Variants in NR4A1 observed in about 807,000 individuals in gnomAD.
NR4A1 encodes the protein nuclear receptor subfamily 4 group A member 1.
Under a neutral mutation model 47.5 loss-of-function variants are expected in NR4A1, and 24 were observed. The observed-to-expected ratio is 0.50, with a 90% CI of 0.37 to 0.71. The LOEUF (loss-of-function observed/expected upper bound fraction) is 0.71. Ranked by LOEUF, NR4A1 falls within the 30% of genes least tolerant of loss-of-function variation. The probability of loss-of-function intolerance (pLI) is 0.00; values close to 1 mark genes in which losing one functional copy is unlikely to be tolerated. For missense variants in NR4A1, 669 were observed against 788.6 expected, an observed-to-expected ratio of 0.85 and a Z score of 1.82; for synonymous variants, 353 against 345.7, an observed-to-expected ratio of 1.02 and a Z score of -0.24.
chr12:52,040,319 G>A lies in NR4A1; in HGVS notation c.-83-1491G>A, dbSNP rs1393282320. On this transcript the variant is annotated intron_variant, in intron 1 of 7. Coordinates refer to the NR4A1 transcript ENST00000360284. The stretch of plus-strand genomic sequence containing the variant: ...CACCTGGTGCCAAACTCTGGCCCCC[G>A]TTCTGAGAACCAGATGGGGAAGACC... Among the ~76,000 whole-genome samples, 2 of 152,222 alleles carry A rather than the reference G, an allele frequency of 1.3e-5. 1 individual carries two copies. Among genetic ancestry groups the A allele is most frequent in the East Asian group, 3.8e-4 (2 of 5,198 alleles).
At chr12:52,026,006 G>A (rs1429054685) in intron 1 of NR4A1, among the ~76,000 whole-genome samples, 2 of 152,246 alleles carry the variant, frequency 1.3e-5, no homozygotes, top group Non-Finnish European at 2.9e-5. Context: ...GGCACGCCCT[G>A]GGTGCATCAT....
At position 52,056,280 on chromosome 12, in the gene NR4A1, C is replaced by T. The variant is rs990387115; in HGVS notation, c.1006+121C>T. ...GAGGGCACGTCTTATTTCCACCCCA[C>T]CTCTGAACCCCAGGCCTTGGAGGGA... On this transcript the variant is annotated intron_variant, in intron 3 of 6. Transcript: ENST00000394825. 2.8e-6 allele frequency: 4 copies of T among 1,437,794 alleles called. No individual in the cohort carries two copies. In the African/African-American group the frequency reaches 5.7e-5, roughly 21 times the overall value. The allele number at this position is 1,437,794 out of a possible 1,614,324, so 89.1% of individuals were successfully genotyped here.
intron 1 of NR4A1, chr12:52,037,723 C>A (rs1203348038): frequency 1.0e-6 from 1 of 985,456 alleles, no homozygotes; most frequent in Non-Finnish European, 1.2e-6. Context: ...CATTTCTCCG[C>A]CGGCTGCGGG....
Position 52,026,416 on chromosome 12 carries a change from G to A in NR4A1, c.-84+3477G>A, listed in dbSNP as rs139505984. ...ATTAGGAGCCAAGGCAGAGGAAAGT[G>A]ATCTCCAAACATTGTCTAATTATAG... is the stretch of plus-strand genomic sequence containing the variant. On this transcript the variant is annotated intron_variant, in intron 1 of 7. Transcript: ENST00000360284. Among the ~76,000 whole-genome samples, 440 of 152,324 alleles carry A rather than the reference G, an allele frequency of 2.9e-3. 2 individuals carry two copies. Among genetic ancestry groups the A allele is most frequent in the African/African-American group, 9.8e-3 (409 of 41,574 alleles).
intron 1 of NR4A1, among the ~76,000 whole-genome samples, chr12:52,023,747 C>T (rs1437674150): frequency 1.3e-5 from 2 of 152,128 alleles, no homozygotes; most frequent in Non-Finnish European, 2.9e-5. Context: ...GTCCTCTCAT[C>T]CCCATGGCCT....
chr12:52,040,586 C>T (rs1402400350), intron 1 of NR4A1, among the ~76,000 whole-genome samples: 5 of 152,180 alleles, frequency 3.3e-5, no homozygotes, highest in African/African-American at 1.2e-4. Flanking sequence ...TTCCAGTCTG[C>T]CCTCCCTTCC....
chr12:52,056,401 G>C, intron 3 of NR4A1, 93 bp from the exon 4 acceptor site: 1 of 1,523,982 alleles, frequency 6.6e-7, no homozygotes, highest in Middle Eastern at 2.4e-4. Flanking sequence ...TAGGGACTCG[G>C]TGGGGCGCGT....
chr12:52,047,389 C>A (rs139086561), upstream of NR4A1, among the ~76,000 whole-genome samples: 153 of 152,368 alleles, frequency 1.0e-3, no homozygotes, highest in African/African-American at 3.5e-3. Flanking sequence ...GGCCTGGGAT[C>A]CCCAAGCCCC....
At chr12:52,044,412 C>G (rs1360603970) in intron 2 of NR4A1, among the ~76,000 whole-genome samples, 1 of 152,202 alleles carries the variant, frequency 6.6e-6, no homozygotes, top group Non-Finnish European at 1.5e-5. Context: ...AGAAGCAGAG[C>G]TGGAGAGAGG....
chr12:52,058,995 T>C lies in NR4A1; in HGVS notation c.*51T>C, dbSNP rs1474099506. On this transcript the variant is annotated 3_prime_UTR_variant, in exon 7 of 7. Transcript: ENST00000394825. ...ATGCGCACTCTCATATGCCACCCCATGTGCCTTTAGTCCACGGACCCCCAG... is the reference window on the plus strand; with the variant it reads ...ATGCGCACTCTCATATGCCACCCCACGTGCCTTTAGTCCACGGACCCCCAG... The C allele has an allele frequency of 3.8e-6, 6 of 1,563,962 alleles. No homozygotes were observed. The highest frequency in any genetic ancestry group is 1.7e-5 in the Admixed American group (1 of 57,486).
At chr12:52,043,969 C>T (rs1359357554) in intron 2 of NR4A1, 13 of 1,272,720 alleles carry the variant, frequency 1.0e-5, no homozygotes, top group South Asian at 1.2e-5. Flanking sequence ...GATTTTTTCC[C>T]ATTGTGACTG....
chr12:52,033,532 T>C (rs1020102580), intron 1 of NR4A1, among the ~76,000 whole-genome samples: 3 of 152,248 alleles, frequency 2.0e-5, no homozygotes, highest in Non-Finnish European at 4.4e-5. Context: ...ATTTCCGGTC[T>C]GGAGACCTTG....
intron 2 of NR4A1, among the ~76,000 whole-genome samples, chr12:52,046,048 C>A (rs1938621142): frequency 6.6e-6 from 1 of 152,210 alleles, no homozygotes; most frequent in South Asian, 2.1e-4. Context: ...AAAGCTCACT[C>A]CTTCTGCCCA....
At chr12:52,044,225 G>A (rs1362673378) in intron 2 of NR4A1, among the ~76,000 whole-genome samples, 1 of 152,234 alleles carries the variant, frequency 6.6e-6, no homozygotes. Context: ...GGTCACTGCG[G>A]CGAGTTTGGT....
chr12:52,057,500 G>A lies in NR4A1; in HGVS notation c.1510G>A (p.Ala504Thr). 2 of 1,611,624 alleles carry A rather than the reference G, an allele frequency of 1.2e-6. No homozygotes were observed. The highest frequency in any genetic ancestry group is 8.5e-7 in the Non-Finnish European group (1 of 1,179,614). ...CTTGCTTGTCGATGTCCCTGCCTTC[G>A]CCTGCCTCTCTGCCCTTGTCCTCAT... is the stretch of plus-strand genomic sequence containing the variant. ...HSLLVDVPAF[A>T]CLSALVLITD... Residue 504 changes from alanine to threonine, a missense_variant, in exon 6 of 7, where the codon GCC becomes ACC. Coordinates refer to ENST00000394825, the MANE Select transcript of NR4A1 (RefSeq NM_173157.3).
chr12:52,036,255 C>A (rs1422463228), intron 1 of NR4A1, among the ~76,000 whole-genome samples: 1 of 152,144 alleles, frequency 6.6e-6, no homozygotes, highest in Non-Finnish European at 1.5e-5. Flanking sequence ...GAGAAACCTT[C>A]CAAGTGCCTG....
chr12:52,048,095 A>T (rs962083890), upstream of NR4A1, among the ~76,000 whole-genome samples: 2 of 151,566 alleles, frequency 1.3e-5, no homozygotes, highest in Admixed American at 6.6e-5. Flanking sequence ...CGGAGCTTGC[A>T]GTGAGCCGAG....
At chr12:52,032,978 C>A (rs558794636) in intron 1 of NR4A1, among the ~76,000 whole-genome samples, 1 of 152,226 alleles carries the variant, frequency 6.6e-6, no homozygotes, top group African/African-American at 2.4e-5. Context: ...GCAGCAGACC[C>A]GAAGGAAGCT....
At chr12:52,050,632 C>T (rs1447869213), upstream of NR4A1, among the ~76,000 whole-genome samples, 1 of 152,230 alleles carries the variant, frequency 6.6e-6, no homozygotes, top group African/African-American at 2.4e-5. Flanking sequence ...GGAGCCAGAG[C>T]TGTTGGCCGA....
Sources: allele counts gnomAD v4.1 joint callset (sites outside exome capture counted in the v4.1 genomes callset), GRCh38; gene constraint gnomAD v4.1.1; transcripts MANE v1.5; gene names NCBI Gene and HGNC (gene_info 2026-07-23, HGNC 2026-07-21).